Variants in TMEM178B observed in about 807,000 individuals in gnomAD.
TMEM178B encodes transmembrane protein 178B.
In TMEM178B, 5 loss-of-function variants were observed where a neutral mutation model predicts 31.0. The ratio of observed to expected loss-of-function variants is 0.16; its 90% confidence interval spans 0.08 to 0.34. TMEM178B has a LOEUF of 0.34. TMEM178B is among the 10% of genes least tolerant of loss of function. The probability of loss-of-function intolerance (pLI) is 1.00; values close to 1 mark genes in which losing one functional copy is unlikely to be tolerated. For missense variants in TMEM178B, 275 were observed against 400.3 expected, an observed-to-expected ratio of 0.69 and a Z score of 2.67; for synonymous variants, 164 against 164.0, an observed-to-expected ratio of 1.00 and a Z score of 0.00.
intron 2 of TMEM178B, among the ~76,000 whole-genome samples, chr7:141,239,583 A>T (rs1402162098): frequency 6.6e-6 from 1 of 152,046 alleles, no homozygotes; most frequent in African/African-American, 2.4e-5. Context: ...CAGCAGGGGG[A>T]TGACTAGAAG....
chr7:141,347,091 G>A (rs1314404790), intron 2 of TMEM178B, among the ~76,000 whole-genome samples: 1 of 152,172 alleles, frequency 6.6e-6, no homozygotes, highest in African/African-American at 2.4e-5. Context: ...ATGATTGTAA[G>A]TTTCCTGAAG....
At chr7:141,401,512 C>T (rs1800768319) in intron 2 of TMEM178B, among the ~76,000 whole-genome samples, 7 of 152,168 alleles carry the variant, frequency 4.6e-5, no homozygotes, top group Admixed American at 4.6e-4. Flanking sequence ...AATTCCTGGA[C>T]TCAACTGATC....
At chr7:141,296,283 G>A (rs962302787) in intron 2 of TMEM178B, among the ~76,000 whole-genome samples, 1 of 152,118 alleles carries the variant, frequency 6.6e-6, no homozygotes, top group Non-Finnish European at 1.5e-5. Flanking sequence ...GGCCAGGCTG[G>A]TCTCAAACTC....
At chr7:141,378,342 A>G (rs920084460) in intron 2 of TMEM178B, among the ~76,000 whole-genome samples, 2 of 152,066 alleles carry the variant, frequency 1.3e-5, no homozygotes, top group African/African-American at 4.8e-5. Context: ...TCTAGTGACT[A>G]TTTTTTGAAG....
At position 141,463,418 on chromosome 7, in the gene TMEM178B, C is replaced by CA. The variant is rs545223231; in HGVS notation, c.635-7115dup. On this transcript the variant is annotated intron_variant, in intron 3 of 3. Transcript: ENST00000565468. ...TACCTTAGCTCCCCTTGCAGATGGACAAAGCCGGTGATTTTCAAAAATATT... is the reference window on the plus strand; with the variant it reads ...TACCTTAGCTCCCCTTGCAGATGGACAAAAGCCGGTGATTTTCAAAAATATT... 2.2e-4 allele frequency among the ~76,000 whole-genome samples: 33 copies of CA among 152,332 alleles called. 1 individual carries two copies. In the East Asian group the frequency reaches 6.4e-3, roughly 29 times the overall value.
At chr7:141,283,051 A>G (rs1334876842) in intron 2 of TMEM178B, among the ~76,000 whole-genome samples, 2 of 152,114 alleles carry the variant, frequency 1.3e-5, no homozygotes, top group African/African-American at 4.8e-5. Context: ...GACTATTACT[A>G]TCCCCGTTTT....
chr7:141,393,886 A>T (rs965851151), intron 2 of TMEM178B, among the ~76,000 whole-genome samples: 1 of 152,230 alleles, frequency 6.6e-6, no homozygotes, highest in Non-Finnish European at 1.5e-5. Flanking sequence ...ACTTTCATTT[A>T]GGAGGAATTT....
chr7:141,437,831 G>T, intron 3 of TMEM178B, 86 bp downstream of exon 3: 1 of 1,504,756 alleles, frequency 6.6e-7, no homozygotes, highest in Non-Finnish European at 8.9e-7. Context: ...GGGCACAGCA[G>T]AGGGGACCAT....
intron 2 of TMEM178B, among the ~76,000 whole-genome samples, chr7:141,284,613 G>T (rs1330492279): frequency 2.0e-5 from 3 of 152,130 alleles, no homozygotes; most frequent in African/African-American, 4.8e-5. Context: ...TCTTTACCAA[G>T]AATTGAAAGT....
chr7:141,351,274 T>G (rs1228913159), intron 2 of TMEM178B, among the ~76,000 whole-genome samples: 2 of 152,280 alleles, frequency 1.3e-5, no homozygotes, highest in Non-Finnish European at 2.9e-5. Flanking sequence ...GGCAGTGTGA[T>G]CTGGGCTCAG....
chr7:141,368,638 A>T (rs1313530626), intron 2 of TMEM178B, among the ~76,000 whole-genome samples: 1 of 152,114 alleles, frequency 6.6e-6, no homozygotes, highest in Non-Finnish European at 1.5e-5. Flanking sequence ...TTTTGTGTTG[A>T]TTTTTCCCGA....
chr7:141,469,469 G>T (rs769238872), intron 3 of TMEM178B, among the ~76,000 whole-genome samples: 2 of 152,102 alleles, frequency 1.3e-5, no homozygotes, highest in African/African-American at 4.8e-5. Flanking sequence ...AAAGAAACTT[G>T]GCTGTTAGAA....
intron 1 of TMEM178B, among the ~76,000 whole-genome samples, chr7:141,127,460 TAAG>T (rs1381984698): frequency 2.0e-5 from 3 of 152,158 alleles, no homozygotes; most frequent in African/African-American, 7.2e-5. Flanking sequence ...GGTGTCCCAA[TAAG>T]AAGAAGAGAG....
chr7:141,464,957 A>C (rs966058560), intron 3 of TMEM178B, among the ~76,000 whole-genome samples: 3 of 152,228 alleles, frequency 2.0e-5, no homozygotes, highest in African/African-American at 7.2e-5. Context: ...CACCACGACT[A>C]CAGTTAGTAT....
intron 2 of TMEM178B, among the ~76,000 whole-genome samples, chr7:141,328,430 C>T (rs745546294): frequency 3.9e-5 from 6 of 152,140 alleles, no homozygotes; most frequent in Non-Finnish European, 5.9e-5. Context: ...GGAGGGAGTT[C>T]CAAGCCTAAA....
intron 2 of TMEM178B, among the ~76,000 whole-genome samples, chr7:141,247,476 A>G (rs1797755979): frequency 6.6e-6 from 1 of 152,166 alleles, no homozygotes; most frequent in South Asian, 2.1e-4. Context: ...TTAAGATCAC[A>G]GGTTCTGCTC....
intron 1 of TMEM178B, among the ~76,000 whole-genome samples, chr7:141,144,088 C>T (rs1795815672): frequency 6.6e-6 from 1 of 152,150 alleles, no homozygotes. Context: ...TGAAAGTTTA[C>T]TACACTTGTT....
At chr7:141,345,435 G>A (rs1436770752) in intron 2 of TMEM178B, among the ~76,000 whole-genome samples, 1 of 152,118 alleles carries the variant, frequency 6.6e-6, no homozygotes, top group Non-Finnish European at 1.5e-5. Flanking sequence ...ATTTTGTTTT[G>A]GTTTTGTTTG....
At chr7:141,345,587 G>T (rs1799604539) in intron 2 of TMEM178B, among the ~76,000 whole-genome samples, 1 of 152,178 alleles carries the variant, frequency 6.6e-6, no homozygotes. Context: ...TCAAGTATTA[G>T]GTGATTTTGT....
Sources: allele counts gnomAD v4.1 joint callset (sites outside exome capture counted in the v4.1 genomes callset), GRCh38; gene constraint gnomAD v4.1.1; transcripts MANE v1.5; gene names NCBI Gene and HGNC (gene_info 2026-07-23, HGNC 2026-07-21).